The following RBM7 variants were observed in gnomAD, a reference collection of about 807,000 sequenced individuals.
RBM7 encodes the protein RNA-binding protein 7.
Under a neutral mutation model 31.0 loss-of-function variants are expected in RBM7, and 13 were observed. The observed-to-expected ratio is 0.42, with a 90% confidence interval of 0.27 to 0.67. The LOEUF is 0.67. RBM7 is among the 30% of genes least tolerant of loss of function. RBM7 has a pLI of 0.24. For missense variants in RBM7, 245 were observed against 326.2 expected (o/e 0.75, Z 1.92); for synonymous variants, 106 against 111.2 (o/e 0.95, Z 0.30).
At position 114,400,828 on chromosome 11, in the gene RBM7, C is replaced by A. The variant is rs1946188983; in HGVS notation, c.96+61C>A. 2.5e-6 allele frequency: 4 copies of A among 1,577,818 alleles called. No individual in the cohort carries two copies. In the South Asian group the frequency reaches 4.5e-5, roughly 18 times the overall value. ...TCCGTCTCGCCTAGGGCCTGGCCAG[C>A]GGCCACCCCGTTTTCTTTTCGTAGC... is the stretch of plus-strand genomic sequence containing the variant. On this transcript the variant is annotated intron_variant, in intron 1 of 4. Coordinates refer to ENST00000375490, the MANE Select transcript of RBM7 (RefSeq NM_001286045.2).
Position 114,407,677 on chromosome 11 carries a change from C to T in RBM7, c.674C>T (p.Ser225Phe). The change falls in exon 5 of 5, where the codon TCT becomes TTT. Residue 225 changes from serine (S) to phenylalanine (F), a missense_variant. Transcript: ENST00000375490. ...SREQRYTDHGSDHHYRGKRDD... is the reference protein window; with the variant it reads ...SREQRYTDHGFDHHYRGKRDD... ...GAACAGCGTTACACTGATCATGGGT[C>T]TGACCATCATTACAGAGGAAAGAGA... 3 of 1,614,126 alleles carry T rather than the reference C, an allele frequency of 1.9e-6. No homozygotes were observed. The highest frequency in any genetic ancestry group is 2.5e-6 in the Non-Finnish European group (3 of 1,180,012).
At chr11:114,401,293 C>T (rs1370195959) in intron 1 of RBM7, among the ~76,000 whole-genome samples, 2 of 152,166 alleles carry the variant, frequency 1.3e-5, no homozygotes, top group Admixed American at 1.3e-4. Context: ...TCTGAGTATC[C>T]TATTCCCCCC....
chr11:114,401,732 A>T lies in RBM7; in HGVS notation c.131A>T (p.Asp44Val), dbSNP rs1367559410. The T allele has an allele frequency of 6.4e-7, 1 of 1,567,558 alleles. No homozygotes were observed. The highest frequency in any genetic ancestry group is 8.6e-7 in the Non-Finnish European group (1 of 1,163,062). Residue 44 changes from aspartate to valine, a missense_variant, in exon 2 of 5, where the codon GAT becomes GTT. Asp to Val is a radical substitution (Grantham distance 152). Coordinates refer to ENST00000375490, the MANE Select transcript of RBM7 (RefSeq NM_001286045.2). ...GPVIKVKIPK[D>V]KDGKPKQFAF... ...GTAATAAAGGTGAAAATTCCAAAAG[A>T]TAAGGATGGTAAACCAAAGCAGTTT...
rs1403040816 is a variant in RBM7, at chr11:114,405,699, T to G, written c.348-7T>G. ...AATGAATGGTTACATGTTGGTTTTC[T>G]TTTTAGCAGGTACGAAAGGACTATG... On this transcript the variant is annotated splice_region_variant and splice_polypyrimidine_tract_variant and intron_variant, in intron 3 of 4. Coordinates refer to ENST00000375490, the MANE Select transcript of RBM7 (RefSeq NM_001286045.2). 16 of 1,559,576 alleles carry G rather than the reference T, an allele frequency of 1.0e-5. No homozygotes were observed. The highest frequency in any genetic ancestry group is 1.3e-5 in the Non-Finnish European group (15 of 1,151,678).
intron 2 of RBM7, among the ~76,000 whole-genome samples, chr11:114,402,568 T>C (rs1946219864): frequency 6.6e-6 from 1 of 151,800 alleles, no homozygotes; most frequent in African/African-American, 2.4e-5. Context: ...CACGCCTGGC[T>C]AATTCTTTGT....
At chr11:114,404,306 G>A (rs1057109745) in intron 3 of RBM7, among the ~76,000 whole-genome samples, 2 of 152,154 alleles carry the variant, frequency 1.3e-5, no homozygotes, top group African/African-American at 4.8e-5. Context: ...TTAAGGTGGT[G>A]CCATGAGCTG....
intron 4 of RBM7, 154 bp from the exon 5 acceptor site, chr11:114,407,291 T>C (rs1475159158): frequency 7.5e-6 from 5 of 663,784 alleles, no homozygotes; most frequent in Non-Finnish European, 1.3e-5. Flanking sequence ...CTTGTAGGTA[T>C]ACATTGGAAT....
At position 114,403,825 on chromosome 11, in the gene RBM7, G is replaced by A. The variant is rs1946233769; in HGVS notation, c.347+910G>A. ...TAGTGTGATTGAGCCCAGCCACTAT[G>A]ATGTATTATCTAGAGGAGCTTAAAG... On this transcript the variant is annotated intron_variant, in intron 3 of 4. Transcript: ENST00000375490. 5.3e-5 allele frequency among the ~76,000 whole-genome samples: 8 copies of A among 152,168 alleles called. 1 individual carries two copies. The highest frequency in any genetic ancestry group is 5.2e-4 in the Admixed American group (8 of 15,280).
chr11:114,408,065 CTT>C lies in RBM7; in HGVS notation c.*260_*261del, dbSNP rs757075095. 10 of 270,842 alleles carry C rather than the reference CTT, an allele frequency of 3.7e-5. No homozygotes were observed. Among genetic ancestry groups the C allele is most frequent in the East Asian group, 6.6e-5 (1 of 15,070 alleles). The allele number at this position is 270,842 out of a possible 1,614,324, so 16.8% of individuals were successfully genotyped here. A position where few individuals can be genotyped will look rare whatever the true frequency, so the allele number is the denominator to read the frequency against. Reference sequence around the variant, plus strand: ...CTACAATTCCTAATCATTTTAGACACTTTAGGAGGGGGTGAAGTTGTATGATA... The same window carrying C: ...CTACAATTCCTAATCATTTTAGACACTAGGAGGGGGTGAAGTTGTATGATA... On this transcript the variant is annotated 3_prime_UTR_variant, in exon 5 of 5. Transcript: ENST00000375490.
Position 114,408,991 on chromosome 11 carries a change from A to C in RBM7, c.*1184A>C, listed in dbSNP as rs925830096. 2.0e-5 allele frequency: 3 copies of C among 151,784 alleles called. No homozygotes were observed. Among genetic ancestry groups the C allele is most frequent in the African/African-American group, 7.3e-5 (3 of 41,266 alleles). 9.4% of individuals were successfully genotyped at this position (151,784 alleles called of 1,614,324 possible). ...ACAAAGAATTAACATACTTTTATTC[A>C]CTGATTGCCTGCTGTTTAGAATATC... On this transcript the variant is annotated 3_prime_UTR_variant, in exon 5 of 5. Coordinates refer to ENST00000375490, the MANE Select transcript of RBM7 (RefSeq NM_001286045.2).
At chr11:114,400,835 C>T in intron 1 of RBM7, 68 bp downstream of exon 1, 2 of 1,574,024 alleles carry the variant, frequency 1.3e-6, no homozygotes, top group African/African-American at 2.7e-5. Context: ...CAGCGGCCAC[C>T]CCGTTTTCTT....
intron 4 of RBM7, chr11:114,407,049 T>G (rs1206274857): frequency 1.2e-5 from 2 of 161,010 alleles, no homozygotes; most frequent in African/African-American, 4.8e-5. Flanking sequence ...CTGTTATTTT[T>G]GTTTGTGCAA....
At position 114,410,195 on chromosome 11, in the gene RBM7, T is replaced by G. The variant is rs986383086; in HGVS notation, c.*2388T>G. 6.6e-6 allele frequency: 1 copy of G among 151,964 alleles called. No homozygotes were observed. Among genetic ancestry groups the G allele is most frequent in the Non-Finnish European group, 1.5e-5 (1 of 68,002 alleles). The allele number at this position is 151,964 out of a possible 1,614,324, so 9.4% of individuals were successfully genotyped here. ...GGAGAACAGTTTCTCCCATAGTGTT[T>G]CCTGTGGAATGCTAGTGTCTCATAA... is the stretch of plus-strand genomic sequence containing the variant. On this transcript the variant is annotated 3_prime_UTR_variant, in exon 5 of 5. Transcript: ENST00000375490.
rs890389167 is a variant in RBM7, at chr11:114,402,668, G to C, written c.260-160G>C. Among the ~76,000 whole-genome samples, 3 of 152,048 alleles carry C rather than the reference G, an allele frequency of 2.0e-5. No homozygotes were observed. The South Asian group carries it at 6.2e-4, about 31-fold the overall frequency. ...GATGTGCCCACGTCAGCCTCCCAAA[G>C]TGCTGGGATTACAGGCGTCAGCCAC... On this transcript the variant is annotated intron_variant, in intron 2 of 4. Transcript: ENST00000375490.
At chr11:114,404,983 G>A (rs1419256631) in intron 3 of RBM7, among the ~76,000 whole-genome samples, 1 of 152,164 alleles carries the variant, frequency 6.6e-6, no homozygotes, top group Non-Finnish European at 1.5e-5. Context: ...AATATCCTAT[G>A]TATGTTACAG....
At chr11:114,403,135 T>TA (rs773671037) in intron 3 of RBM7, among the ~76,000 whole-genome samples, 9 of 152,208 alleles carry the variant, frequency 5.9e-5, no homozygotes, top group Non-Finnish European at 1.3e-4. Context: ...TTAGAATAGA[T>TA]ACGTATATAA....
chr11:114,400,676 G>T lies in RBM7; in HGVS notation c.5G>T (p.Gly2Val). 1.2e-6 allele frequency: 2 copies of T among 1,614,178 alleles called. No homozygotes were observed. Reference sequence around the variant, plus strand: ...TAGGGAGGGGGCGACGCTGAGATGGGGGCGGCGGCGGCGGAAGCGGATCGC... The same window carrying T: ...TAGGGAGGGGGCGACGCTGAGATGGTGGCGGCGGCGGCGGAAGCGGATCGC... M[G>V]AAAAEADRTL... is the part of the protein sequence containing the mutation. The change falls in exon 1 of 5, where the codon GGG becomes GTG. Residue 2 changes from glycine to valine, a missense_variant. Coordinates refer to ENST00000375490, the MANE Select transcript of RBM7 (RefSeq NM_001286045.2).
chr11:114,402,190 T>C, intron 2 of RBM7: 1 of 214,540 alleles, frequency 4.7e-6, no homozygotes, highest in Non-Finnish European at 9.1e-6. Flanking sequence ...GTAATTACTT[T>C]TATATATTTT....
At chr11:114,404,757 C>CTATAAACTA in intron 3 of RBM7, among the ~76,000 whole-genome samples, 1 of 151,686 alleles carries the variant, frequency 6.6e-6, no homozygotes, top group African/African-American at 2.4e-5. Flanking sequence ...AATTTTTATA[C>CTATAAACTA]TATAAACTAA....
Sources: allele counts gnomAD v4.1 joint callset (sites outside exome capture counted in the v4.1 genomes callset), GRCh38; gene constraint gnomAD v4.1.1; transcripts MANE v1.5; gene names NCBI Gene and HGNC (gene_info 2026-07-23, HGNC 2026-07-21).